The following PIP4K2B variants were observed in gnomAD, a reference collection of about 807,000 sequenced individuals.
PIP4K2B encodes the protein phosphatidylinositol-5-phosphate 4-kinase type 2 beta.
In PIP4K2B, 3 loss-of-function variants were observed where a neutral mutation model predicts 42.0. The observed-to-expected ratio is 0.07, with a 90% CI of 0.03 to 0.18. The LOEUF (loss-of-function observed/expected upper bound fraction) is 0.18, where lower values mean the gene tolerates loss of function less well. Ranked by LOEUF, PIP4K2B falls within the 10% of genes least tolerant of loss-of-function variation. The pLI is 1.00. For synonymous variants in PIP4K2B, 204 were observed against 210.1 expected (o/e 0.97, Z 0.25); for missense variants, 332 against 562.3 (o/e 0.59, Z 4.14).
chr17:38,773,714 T>A (rs891015712), intron 7 of PIP4K2B, among the ~76,000 whole-genome samples: 1 of 151,974 alleles, frequency 6.6e-6, no homozygotes, highest in African/African-American at 2.4e-5. Context: ...GCCCTAAAGA[T>A]GGGAGCCCAG....
chr17:38,790,412 C>T (rs138761462), intron 1 of PIP4K2B, among the ~76,000 whole-genome samples: 105 of 152,262 alleles, frequency 6.9e-4, no homozygotes, highest in Non-Finnish European at 1.1e-3. Flanking sequence ...CTCGGCTGGG[C>T]GCAGTGGCTC....
chr17:38,796,283 G>A (rs746852175), intron 1 of PIP4K2B, among the ~76,000 whole-genome samples: 7 of 152,202 alleles, frequency 4.6e-5, no homozygotes, highest in South Asian at 4.1e-4. Flanking sequence ...CATGTAAAAT[G>A]GTACAGCCAC....
chr17:38,795,099 C>CAAAAAAAAAAAAAAAAAAAAAAAAA (rs61707682), intron 1 of PIP4K2B, among the ~76,000 whole-genome samples: 1 of 41,498 alleles, frequency 2.4e-5, no homozygotes, highest in African/African-American at 8.5e-5. Context: ...AACTCCATCT[C>CAAAAAAAAAAAAAAAAAAAAAAAAA]AAAAAAAAAA....
At chr17:38,777,906 G>A in intron 6 of PIP4K2B, 106 bp from the exon 7 acceptor site, 3 of 805,354 alleles carry the variant, frequency 3.7e-6, no homozygotes, top group Non-Finnish European at 6.4e-6. Flanking sequence ...AGGAGGGGTT[G>A]TCAGTGTACC....
At chr17:38,792,874 T>C (rs185905624) in intron 1 of PIP4K2B, 1 of 152,180 alleles carries the variant, frequency 6.6e-6, no homozygotes, top group Non-Finnish European at 1.5e-5. Context: ...CCCTGTGAGG[T>C]GGGAAGGCCT....
chr17:38,774,353 CCTT>C (rs966135394), intron 7 of PIP4K2B, among the ~76,000 whole-genome samples: 5 of 152,208 alleles, frequency 3.3e-5, no homozygotes, highest in Admixed American at 6.5e-5. Flanking sequence ...AGAGGGAACT[CCTT>C]CTGCCTGGTG....
chr17:38,787,179 G>A (rs1471694426), intron 1 of PIP4K2B, among the ~76,000 whole-genome samples: 1 of 152,046 alleles, frequency 6.6e-6, no homozygotes, highest in African/African-American at 2.4e-5. Flanking sequence ...GGGACTACAG[G>A]TGCACATCAC....
intron 1 of PIP4K2B, among the ~76,000 whole-genome samples, chr17:38,787,922 C>T (rs1910126806): frequency 6.6e-6 from 1 of 152,168 alleles, no homozygotes; most frequent in African/African-American, 2.4e-5. Flanking sequence ...AAGCAAAGAG[C>T]ATCCTACTAA....
At chr17:38,791,406 ATTT>A (rs58027566) in intron 1 of PIP4K2B, among the ~76,000 whole-genome samples, 5 of 91,154 alleles carry the variant, frequency 5.5e-5, no homozygotes, top group African/African-American at 1.5e-4. Context: ...CAGACTGCCA[ATTT>A]TTTTTTTTTT....
chr17:38,770,817 G>T (rs1908981431), intron 8 of PIP4K2B, among the ~76,000 whole-genome samples, 197 bp downstream of exon 8: 1 of 152,134 alleles, frequency 6.6e-6, no homozygotes, highest in South Asian at 2.1e-4. Flanking sequence ...GACAAGCAGG[G>T]AAGTATAGGA....
Position 38,779,415 on chromosome 17 carries a change from G to A in PIP4K2B, c.622C>T (p.Arg208Trp), listed in dbSNP as rs768191198. The part of the protein sequence containing the change: ...MVVTRNVFSH[R>W]LTVHRKYDLK... ...TCATACTTGCGATGCACAGTGAGCC[G>A]ATGGCTGAACACGTTCCTGGTAACC... The change falls in exon 5 of 10, where the codon CGG (arginine) becomes TGG (tryptophan). Residue 208 changes from arginine to tryptophan, a missense_variant. This residue lies in a region of PIP4K2B where 186 missense variants were observed against 288.4 expected (regional missense o/e 0.64). Transcript: ENST00000619039. 6.8e-6 allele frequency: 11 copies of A among 1,608,042 alleles called. No homozygotes were observed. Among genetic ancestry groups the A allele is most frequent in the Admixed American group, 3.3e-5 (2 of 59,762 alleles).
At position 38,769,623 on chromosome 17, in the gene PIP4K2B, C is replaced by G; in HGVS notation, c.*68G>C. ...CCCTCCCATCTAGCCCAAATACACC[C>G]TTCTCCCTAACTCCCGATCCCCGAC... On this transcript the variant is annotated 3_prime_UTR_variant, in exon 10 of 10. Coordinates refer to ENST00000619039, the MANE Select transcript of PIP4K2B (RefSeq NM_003559.5). The G allele has an allele frequency of 1.1e-6, 1 of 939,482 alleles. No individual in the cohort carries two copies. The allele number at this position is 939,482 out of a possible 1,614,324, so 58.2% of individuals were successfully genotyped here.
At chr17:38,787,368 T>C (rs1567660546) in intron 1 of PIP4K2B, among the ~76,000 whole-genome samples, 1 of 152,158 alleles carries the variant, frequency 6.6e-6, no homozygotes, top group Non-Finnish European at 1.5e-5. Flanking sequence ...CCTTGTCCTA[T>C]TTTACCTATT....
intron 1 of PIP4K2B, among the ~76,000 whole-genome samples, chr17:38,798,778 G>A (rs1910786012): frequency 6.6e-6 from 1 of 152,196 alleles, no homozygotes; most frequent in Non-Finnish European, 1.5e-5. Flanking sequence ...AAGGTAAGGA[G>A]GCCTGGAGGA....
chr17:38,786,958 G>C (rs752967468), intron 1 of PIP4K2B, 38 bp from the exon 2 acceptor site: 1 of 1,329,150 alleles, frequency 7.5e-7, no homozygotes, highest in East Asian at 2.3e-5. Flanking sequence ...TCAGCCAGGA[G>C]GCCACCTGCC....
At chr17:38,780,741 C>T (rs1040536910) in intron 3 of PIP4K2B, 137 bp from the exon 4 acceptor site, 1 of 725,818 alleles carries the variant, frequency 1.4e-6, no homozygotes, top group Non-Finnish European at 2.2e-6. Context: ...GGAGTTTACC[C>T]TCCCCTTTTC....
intron 1 of PIP4K2B, among the ~76,000 whole-genome samples, chr17:38,796,163 C>A (rs926505849): frequency 6.6e-6 from 1 of 152,064 alleles, no homozygotes; most frequent in African/African-American, 2.4e-5. Context: ...AACAAAATCA[C>A]AATGAGATAC....
At chr17:38,797,988 G>C (rs1329664508) in intron 1 of PIP4K2B, among the ~76,000 whole-genome samples, 2 of 152,104 alleles carry the variant, frequency 1.3e-5, no homozygotes, top group African/African-American at 4.8e-5. Flanking sequence ...AGAAACCACA[G>C]AGACCTCAAT....
chr17:38,793,613 G>A (rs1429804086), intron 1 of PIP4K2B, among the ~76,000 whole-genome samples: 6 of 152,146 alleles, frequency 3.9e-5, no homozygotes, highest in African/African-American at 1.2e-4. Flanking sequence ...GCTCACGCCT[G>A]TAATCCTAGC....
Sources: allele counts gnomAD v4.1 joint callset (sites outside exome capture counted in the v4.1 genomes callset), GRCh38; gene constraint gnomAD v4.1.1; regional missense constraint gnomAD v4.1.1; transcripts MANE v1.5; gene names NCBI Gene and HGNC (gene_info 2026-07-23, HGNC 2026-07-21).